SLC38A1: variants seen among roughly 807,000 people sequenced by gnomAD.
SLC38A1 encodes sodium-coupled neutral amino acid symporter 1.
Under a neutral mutation model 60.3 loss-of-function variants are expected in SLC38A1, and 18 were observed. The observed-to-expected ratio is 0.30, with a 90% CI of 0.21 to 0.44. The LOEUF (loss-of-function observed/expected upper bound fraction) is 0.44, where lower values mean the gene tolerates loss of function less well. Among genes scored for constraint, SLC38A1 ranks in the 20% least tolerant of loss-of-function variants. The pLI, the probability that SLC38A1 is intolerant of heterozygous loss-of-function variation, is 1.00. For synonymous variants in SLC38A1, 196 were observed against 212.1 expected (o/e 0.92, Z 0.66); for missense variants, 448 against 587.2 (o/e 0.76, Z 2.45).
chr12:46,189,919 A>C (rs1359908201), intron 16 of SLC38A1, among the ~76,000 whole-genome samples: 2 of 152,082 alleles, frequency 1.3e-5, no homozygotes, highest in African/African-American at 4.8e-5. Flanking sequence ...TTTCCTTTAT[A>C]AATTACCCTG....
chr12:46,210,664 T>C (rs1298768905), intron 5 of SLC38A1, among the ~76,000 whole-genome samples: 1 of 152,144 alleles, frequency 6.6e-6, no homozygotes, highest in South Asian at 2.1e-4. Flanking sequence ...CATACTGTTC[T>C]TGTGGTAGTG....
At chr12:46,212,331 T>C (rs982597957) in intron 5 of SLC38A1, among the ~76,000 whole-genome samples, 6 of 152,208 alleles carry the variant, frequency 3.9e-5, no homozygotes, top group African/African-American at 1.4e-4. Flanking sequence ...TTTTAAAATT[T>C]CATCTGGATA....
chr12:46,199,702 A>C (rs1057170649), intron 13 of SLC38A1, among the ~76,000 whole-genome samples: 1 of 152,084 alleles, frequency 6.6e-6, no homozygotes, highest in African/African-American at 2.4e-5. Context: ...AACTTCAGAA[A>C]GTGTTATTTC....
At chr12:46,212,450 T>C (rs1019323118) in intron 5 of SLC38A1, among the ~76,000 whole-genome samples, 1 of 152,214 alleles carries the variant, frequency 6.6e-6, no homozygotes, top group Non-Finnish European at 1.5e-5. Flanking sequence ...AGATCAGCAA[T>C]TGATAATAGG....
chr12:46,209,954 TC>T (rs963086773), intron 5 of SLC38A1, among the ~76,000 whole-genome samples: 1 of 152,098 alleles, frequency 6.6e-6, no homozygotes, highest in Non-Finnish European at 1.5e-5. Context: ...AAAAATCCAG[TC>T]CCCAGATGAA....
rs1423518337 is a variant in SLC38A1 at position 46,207,538 on chromosome 12, T to G, written c.472A>C (p.Asn158His). ...FVIFGATSLQ[N>H]TGAMLSYLFI... ...AGCATGTTCTTTTTACCTCCAGTGT[T>G]CTGTAGAGAGGTGGCTCCAAAGATT... The change falls in exon 7 of 17, where the codon AAC becomes CAC. Residue 158 changes from asparagine (N) to histidine (H), a missense_variant. Physicochemically the swap from Asn to His is moderately conservative, Grantham distance 68. Around this residue, in one of 2 missense-constraint regions of SLC38A1, gnomAD observed 346 missense variants for 497.5 expected, o/e 0.70. Coordinates refer to ENST00000398637, the MANE Select transcript of SLC38A1 (RefSeq NM_030674.4). 1 of 1,613,844 alleles carries G rather than the reference T, an allele frequency of 6.2e-7. No individual in the cohort carries two copies. The highest frequency in any genetic ancestry group is 8.5e-7 in the Non-Finnish European group (1 of 1,179,722).
intron 2 of SLC38A1, among the ~76,000 whole-genome samples, chr12:46,240,288 C>T (rs1049473939): frequency 4.6e-5 from 7 of 152,074 alleles, no homozygotes; most frequent in Admixed American, 1.3e-4. Context: ...CCTCTGCTTC[C>T]CTGGTTCAAG....
chr12:46,247,036 C>T (rs1173506619), intron 1 of SLC38A1, among the ~76,000 whole-genome samples: 1 of 152,146 alleles, frequency 6.6e-6, no homozygotes, highest in Non-Finnish European at 1.5e-5. Flanking sequence ...AGGTCACCAA[C>T]ATCAAAGACC....
chr12:46,262,823 T>C (rs189603563), intron 1 of SLC38A1, among the ~76,000 whole-genome samples: 1 of 152,342 alleles, frequency 6.6e-6, no homozygotes, highest in African/African-American at 2.4e-5. Flanking sequence ...AAAGACACTA[T>C]ATAATTCAAT....
chr12:46,263,135 C>CAACA (rs1019952493), intron 1 of SLC38A1, among the ~76,000 whole-genome samples: 9 of 152,302 alleles, frequency 5.9e-5, no homozygotes, highest in African/African-American at 1.9e-4. Flanking sequence ...ACTACACACA[C>CAACA]AACAGTCTCT....
chr12:46,256,600 TGCGC>T (rs199718377), intron 1 of SLC38A1, among the ~76,000 whole-genome samples: 1 of 141,644 alleles, frequency 7.1e-6, no homozygotes, highest in African/African-American at 2.7e-5. Flanking sequence ...TCATCCAGTT[TGCGC>T]GCGCGCGCGC....
chr12:46,191,316 A>G (rs917228130), intron 16 of SLC38A1, among the ~76,000 whole-genome samples: 1 of 152,208 alleles, frequency 6.6e-6, no homozygotes, highest in Non-Finnish European at 1.5e-5. Flanking sequence ...TACCAGTACC[A>G]TGCTGTTTTC....
intron 5 of SLC38A1, among the ~76,000 whole-genome samples, chr12:46,217,498 T>C (rs563393872): frequency 5.6e-4 from 86 of 152,344 alleles, no homozygotes; most frequent in African/African-American, 2.0e-3. Context: ...GGTTTAATGG[T>C]TATCTTAGTT....
rs529794610 is a variant in SLC38A1, at chr12:46,201,327, C to T, written c.903-129G>A. The T allele has an allele frequency of 4.5e-5, 32 of 718,488 alleles. 2 individuals are homozygous for T. In the South Asian group the frequency reaches 5.7e-4, roughly 13 times the overall value. The allele number at this position is 718,488 out of a possible 1,614,324, so 44.5% of individuals were successfully genotyped here. On this transcript the variant is annotated intron_variant, in intron 12 of 16. Coordinates refer to ENST00000398637, the MANE Select transcript of SLC38A1 (RefSeq NM_030674.4). ...GGAAGATCTGAACAGCTGAAATTAC[C>T]CCTGGCAGTTATGCCAGTTGAAAAT...
chr12:46,230,020 A>G (rs2137943187), intron 3 of SLC38A1, among the ~76,000 whole-genome samples: 1 of 152,338 alleles, frequency 6.6e-6, no homozygotes, highest in Non-Finnish European at 1.5e-5. Flanking sequence ...TTTAAACACT[A>G]TATGCAACAT....
chr12:46,226,198 A>G (rs10219550), intron 5 of SLC38A1, among the ~76,000 whole-genome samples: 21,293 of 152,078 alleles, frequency 0.14, 2,895 homozygotes, highest in East Asian at 0.45. Context: ...CTTCAAGACA[A>G]TCTTGGTGGG....
In SLC38A1 at chr12:46,239,860, T is replaced by C; in HGVS notation, c.-60A>G. 1.3e-6 allele frequency: 2 copies of C among 1,567,040 alleles called. No homozygotes were observed. Among genetic ancestry groups the C allele is most frequent in the South Asian group, 1.1e-5 (1 of 89,238 alleles). On this transcript the variant is annotated 5_prime_UTR_variant, in exon 3 of 17. Transcript: ENST00000398637. Reference sequence around the variant, plus strand: ...AAATTTCTCCTGTTCTGAGTGTATTTAGAAGTAGATACCAAAATGGAAGCT... The same window carrying C: ...AAATTTCTCCTGTTCTGAGTGTATTCAGAAGTAGATACCAAAATGGAAGCT...
At chr12:46,202,930 C>T (rs1939726317) in intron 12 of SLC38A1, 80 bp downstream of exon 12, 1 of 1,025,172 alleles carries the variant, frequency 9.8e-7, no homozygotes, top group Non-Finnish European at 1.5e-6. Context: ...TTAGACAAGT[C>T]CGTTTATTTT....
chr12:46,239,226 T>G (rs1213510816), intron 3 of SLC38A1: 1 of 152,754 alleles, frequency 6.5e-6, no homozygotes, highest in Non-Finnish European at 1.5e-5. Flanking sequence ...CATAAGAAAT[T>G]CAAATTATAT....
Sources: allele counts gnomAD v4.1 joint callset (sites outside exome capture counted in the v4.1 genomes callset), GRCh38; gene constraint gnomAD v4.1.1; regional missense constraint gnomAD v4.1.1; transcripts MANE v1.5; gene names NCBI Gene and HGNC (gene_info 2026-07-23, HGNC 2026-07-21).